Variants in CAMTA1 observed in about 807,000 individuals in gnomAD.
CAMTA1 encodes the protein calmodulin-binding transcription activator 1.
CAMTA1 carries 27 observed loss-of-function variants against 170.9 expected under a neutral mutation model. That is an observed-to-expected ratio of 0.16 (90% CI 0.12 to 0.22). The LOEUF (loss-of-function observed/expected upper bound fraction) is 0.22, where lower values mean the gene tolerates loss of function less well. CAMTA1 is among the 10% of genes least tolerant of loss of function. CAMTA1 has a pLI of 1.00. For missense variants in CAMTA1, 1,619 were observed against 2,217.2 expected (o/e 0.73, Z 5.42); for synonymous variants, 833 against 891.5 (o/e 0.93, Z 1.17).
chr1:7,534,089 C>A lies in CAMTA1; in HGVS notation c.510+66188C>A, dbSNP rs538500759. ...GCTCTCCTGGGGGCTCATGGGACTC[C>A]TGAGGCCCCTCCCATCACCGGTCAC... On this transcript the variant is annotated intron_variant, in intron 6 of 22. Coordinates refer to ENST00000303635, the MANE Select transcript of CAMTA1 (RefSeq NM_015215.4). This position sits in a 1 kb window ranked among gnomAD's most constrained non-coding sequence, Gnocchi z 5.6. 6.6e-6 allele frequency among the ~76,000 whole-genome samples: 1 copy of A among 152,302 alleles called. No homozygotes were observed. The highest frequency in any genetic ancestry group is 6.5e-5 in the Admixed American group (1 of 15,306).
Position 7,248,155 on chromosome 1 carries a change from T to C in CAMTA1, c.303-1336T>C, listed in dbSNP as rs1001674302. 6.6e-6 allele frequency among the ~76,000 whole-genome samples: 1 copy of C among 152,006 alleles called. No individual in the cohort carries two copies. The highest frequency in any genetic ancestry group is 2.4e-5 in the African/African-American group (1 of 41,374). ...AGTCACCCTGGTGGGACTGTTTTTTTCCCCCCAGACAATAGAATATGAAGC... is the reference window on the plus strand; with the variant it reads ...AGTCACCCTGGTGGGACTGTTTTTTCCCCCCCAGACAATAGAATATGAAGC... On this transcript the variant is annotated intron_variant, in intron 4 of 22. Coordinates refer to ENST00000303635, the MANE Select transcript of CAMTA1 (RefSeq NM_015215.4). This position sits in a 1 kb window ranked among gnomAD's most constrained non-coding sequence, Gnocchi z 4.0.
chr1:7,449,866 G>A (rs1298875635), intron 5 of CAMTA1, among the ~76,000 whole-genome samples: 1 of 152,034 alleles, frequency 6.6e-6, no homozygotes, highest in African/African-American at 2.4e-5. Flanking sequence ...AGCCCCCGAG[G>A]AGTATGAGCC....
intron 5 of CAMTA1, among the ~76,000 whole-genome samples, chr1:7,275,369 A>C (rs2149425125): frequency 6.6e-6 from 1 of 152,104 alleles, no homozygotes; most frequent in African/African-American, 2.4e-5. Context: ...AGAAAGAAGA[A>C]CCAATTAAAA....
intron 3 of CAMTA1, among the ~76,000 whole-genome samples, chr1:7,000,476 G>A (rs1239120983): frequency 6.6e-6 from 1 of 152,190 alleles, no homozygotes; most frequent in Non-Finnish European, 1.5e-5. Context: ...GGACAGGAGC[G>A]AGGTGGGGAG....
In CAMTA1 at chr1:7,295,723, C is replaced by T. The variant is rs545638130; in HGVS notation, c.438+46097C>T. Among the ~76,000 whole-genome samples the T allele has an allele frequency of 1.6e-4, 25 of 152,310 alleles. No individual in the cohort carries two copies. In the South Asian group the frequency reaches 5.0e-3, roughly 30 times the overall value. On this transcript the variant is annotated intron_variant, in intron 5 of 22. Transcript: ENST00000303635. Reference sequence around the variant, plus strand: ...AAAATGAACAGACAGAAAATATCCACGCCCTTGTCACTTACCTGCAGCAGA... The same window carrying T: ...AAAATGAACAGACAGAAAATATCCATGCCCTTGTCACTTACCTGCAGCAGA...
At chr1:6,821,956 A>G (rs1234126825) in intron 2 of CAMTA1, among the ~76,000 whole-genome samples, 2 of 152,174 alleles carry the variant, frequency 1.3e-5, no homozygotes, top group African/African-American at 4.8e-5. Context: ...TTGTCAGTCA[A>G]GCAAATCATC....
chr1:7,042,920 G>A (rs1704696835), intron 3 of CAMTA1, among the ~76,000 whole-genome samples: 1 of 152,198 alleles, frequency 6.6e-6, no homozygotes, highest in Non-Finnish European at 1.5e-5. Flanking sequence ...CTGTAATAAG[G>A]TAGAAAGCAG....
intron 3 of CAMTA1, among the ~76,000 whole-genome samples, chr1:6,911,929 A>G (rs1008744740): frequency 3.9e-5 from 6 of 152,220 alleles, no homozygotes; most frequent in African/African-American, 1.4e-4. Flanking sequence ...GCACAATGCT[A>G]GCTGCTAAGA....
At chr1:7,189,757 A>G (rs2148939292) in intron 4 of CAMTA1, among the ~76,000 whole-genome samples, 1 of 152,374 alleles carries the variant, frequency 6.6e-6, no homozygotes, top group Non-Finnish European at 1.5e-5. Context: ...TAGAACTACC[A>G]TTTGATCCAG....
chr1:7,085,405 A>G (rs946639827), intron 3 of CAMTA1, among the ~76,000 whole-genome samples: 1 of 152,254 alleles, frequency 6.6e-6, no homozygotes, highest in Non-Finnish European at 1.5e-5. Context: ...GTCAGCAGTC[A>G]TCTTCAGACA....
intron 11 of CAMTA1, among the ~76,000 whole-genome samples, chr1:7,691,396 G>C (rs529949282): frequency 6.6e-6 from 1 of 152,186 alleles, no homozygotes; most frequent in Non-Finnish European, 1.5e-5. Context: ...CTGAGGGCTC[G>C]AGAGGCAGGG....
rs1423931097 is a variant in CAMTA1, at chr1:7,426,230, T to C, written c.439-41600T>C. On this transcript the variant is annotated intron_variant, in intron 5 of 22. Coordinates refer to ENST00000303635, the MANE Select transcript of CAMTA1 (RefSeq NM_015215.4). This position sits in a 1 kb window ranked among gnomAD's most constrained non-coding sequence, Gnocchi z 4.8. ...ACCTTGCTCTTTAACTATATCCAGG[T>C]GCCCAGGGCCAGAGAGAGCTGCACG... Among the ~76,000 whole-genome samples the C allele has an allele frequency of 1.3e-5, 2 of 149,672 alleles. No individual in the cohort carries two copies. Among genetic ancestry groups the C allele is most frequent in the African/African-American group, 2.6e-5 (1 of 39,086 alleles).
chr1:7,345,991 A>G (rs2084191153), intron 5 of CAMTA1, among the ~76,000 whole-genome samples: 1 of 152,224 alleles, frequency 6.6e-6, no homozygotes, highest in African/African-American at 2.4e-5. Context: ...GGTATTAGCC[A>G]CAGTAAATCC....
rs143485460 is a variant in CAMTA1, at chr1:7,096,063, A to G, written c.302+4692A>G. 3.7e-3 allele frequency among the ~76,000 whole-genome samples: 561 copies of G among 152,356 alleles called. 1 individual carries two copies. The highest frequency in any genetic ancestry group is 0.013 in the African/African-American group (538 of 41,572). The stretch of plus-strand genomic sequence containing the variant: ...ATTAATTAATTAGATTGATATAGAT[A>G]GCACCTCCACATGGAAGCACTAAGG... On this transcript the variant is annotated intron_variant, in intron 4 of 22. Transcript: ENST00000303635.
chr1:7,493,482 C>T (rs536667935), intron 6 of CAMTA1, among the ~76,000 whole-genome samples: 3 of 151,902 alleles, frequency 2.0e-5, no homozygotes, highest in East Asian at 1.9e-4. Flanking sequence ...TATAAACAGG[C>T]GTGCACACAC....
chr1:7,087,936 A>G (rs529453503), intron 3 of CAMTA1, among the ~76,000 whole-genome samples: 2 of 152,188 alleles, frequency 1.3e-5, no homozygotes, highest in Non-Finnish European at 2.9e-5. Context: ...AATCTCCCCA[A>G]ACGAGTTCCT....
At chr1:7,740,841 A>G (rs1311023120) in intron 16 of CAMTA1, among the ~76,000 whole-genome samples, 2 of 152,222 alleles carry the variant, frequency 1.3e-5, no homozygotes, top group Non-Finnish European at 1.5e-5. Flanking sequence ...TCCACTTCCT[A>G]TTTTCACAGA....
intron 5 of CAMTA1, among the ~76,000 whole-genome samples, chr1:7,327,152 C>T (rs1222338880): frequency 1.3e-5 from 2 of 151,868 alleles, no homozygotes; most frequent in African/African-American, 2.4e-5. Flanking sequence ...CGCAGTGGCT[C>T]ACGCTTGTAA....
Position 7,455,658 on chromosome 1 carries a change from G to C in CAMTA1, c.439-12172G>C, listed in dbSNP as rs1379866524. ...AGTGTGCCGTGGATACCTACGTGGC[G>C]TCACAGGTGCCTAGAGCGGGCGGCG... is the stretch of plus-strand genomic sequence containing the variant. On this transcript the variant is annotated intron_variant, in intron 5 of 22. Transcript: ENST00000303635. The surrounding 1 kb of genome is among the most constrained non-coding windows in gnomAD (Gnocchi z 5.0). Among the ~76,000 whole-genome samples, 1 of 152,208 alleles carries C rather than the reference G, an allele frequency of 6.6e-6. No individual in the cohort carries two copies. The highest frequency in any genetic ancestry group is 2.4e-5 in the African/African-American group (1 of 41,454).
Sources: allele counts gnomAD v4.1 joint callset (sites outside exome capture counted in the v4.1 genomes callset), GRCh38; gene constraint gnomAD v4.1.1; non-coding constraint Gnocchi (gnomAD v3.1); transcripts MANE v1.5; gene names NCBI Gene and HGNC (gene_info 2026-07-23, HGNC 2026-07-21).